KIRREL3: variants seen among roughly 807,000 people sequenced by gnomAD.
The protein encoded by KIRREL3 is kin of IRRE-like protein 3.
KIRREL3 carries 36 observed loss-of-function variants against 89.7 expected under a neutral mutation model. That is an observed-to-expected ratio of 0.40 (90% CI 0.31 to 0.53). The LOEUF is 0.53. Among genes scored for constraint, KIRREL3 ranks in the 20% least tolerant of loss-of-function variants. KIRREL3 has a pLI of 0.49. For synonymous variants in KIRREL3, 445 were observed against 441.4 expected (o/e 1.01, Z -0.10); for missense variants, 864 against 1,056.6 (o/e 0.82, Z 2.53).
At chr11:126,804,004 T>C (rs1051217649) in intron 1 of KIRREL3, among the ~76,000 whole-genome samples, 3 of 152,248 alleles carry the variant, frequency 2.0e-5, no homozygotes, top group Non-Finnish European at 1.5e-5. Flanking sequence ...TTTGTGGTTA[T>C]GCATGTGTCT....
chr11:126,500,274 T>C (rs985066148), intron 4 of KIRREL3, among the ~76,000 whole-genome samples: 3 of 152,198 alleles, frequency 2.0e-5, no homozygotes, highest in Non-Finnish European at 4.4e-5. Flanking sequence ...TTTAGTCTTA[T>C]TTAACTTGAA....
chr11:126,450,394 T>TGTGAGTGTGTGC (rs1956005753), intron 7 of KIRREL3, among the ~76,000 whole-genome samples: 1 of 147,516 alleles, frequency 6.8e-6, no homozygotes, highest in African/African-American at 2.5e-5. Context: ...TGAGTGTGGG[T>TGTGAGTGTGTGC]ATGTGTGAGT....
rs559228970 is a variant in KIRREL3 at position 126,796,705 on chromosome 11, T to C, written c.55+203750A>G. Among the ~76,000 whole-genome samples the C allele has an allele frequency of 1.3e-3, 192 of 152,288 alleles. 1 individual carries two copies. Among genetic ancestry groups the C allele is most frequent in the African/African-American group, 4.4e-3 (181 of 41,544 alleles). Reference sequence around the variant, plus strand: ...TTTATTTTATTTTTGCAACAAGGTCTTGCTCTGTTGCCCAGGCTGGAGTGC... The same window carrying C: ...TTTATTTTATTTTTGCAACAAGGTCCTGCTCTGTTGCCCAGGCTGGAGTGC... On this transcript the variant is annotated intron_variant, in intron 1 of 16. Transcript: ENST00000525144. The surrounding 1 kb of genome is among the most constrained non-coding windows in gnomAD (Gnocchi z 5.1).
chr11:126,851,922 GGA>G lies in KIRREL3; in HGVS notation c.55+148531_55+148532del, dbSNP rs1392195300. Among the ~76,000 whole-genome samples, 4 of 152,342 alleles carry G rather than the reference GGA, an allele frequency of 2.6e-5. No individual in the cohort carries two copies. In the East Asian group the frequency reaches 7.7e-4, roughly 29 times the overall value. On this transcript the variant is annotated intron_variant, in intron 1 of 16. Coordinates refer to ENST00000525144, the MANE Select transcript of KIRREL3 (RefSeq NM_032531.4). ...GCAGACCGTGGCTCCTCTACCTCGA[GGA>G]GAGTAGGGCGGGTGGAAGTCAGGCA...
At chr11:126,451,457 CAT>C (rs1287934373) in intron 7 of KIRREL3, among the ~76,000 whole-genome samples, 3 of 121,076 alleles carry the variant, frequency 2.5e-5, no homozygotes, top group Non-Finnish European at 3.4e-5. Flanking sequence ...AGTGCATGCG[CAT>C]GTGTGGGCAT....
In KIRREL3 at chr11:126,755,765, C is replaced by T. The variant is rs1949472657; in HGVS notation, c.56-192853G>A. Among the ~76,000 whole-genome samples the T allele has an allele frequency of 1.3e-5, 2 of 151,874 alleles. No individual in the cohort carries two copies. The highest frequency in any genetic ancestry group is 4.8e-5 in the African/African-American group (2 of 41,328). The stretch of plus-strand genomic sequence containing the variant: ...CAACTCTTTCCATGCCCCTTCTTTG[C>T]ACTTTTTCCACCCCCTCACCACTAC... On this transcript the variant is annotated intron_variant, in intron 1 of 16. Transcript: ENST00000525144. The surrounding 1 kb of genome is among the most constrained non-coding windows in gnomAD (Gnocchi z 4.3).
intron 1 of KIRREL3, among the ~76,000 whole-genome samples, chr11:126,819,459 A>G (rs1943133403): frequency 6.6e-6 from 1 of 152,208 alleles, no homozygotes; most frequent in African/African-American, 2.4e-5. Context: ...GGGCAGGGCC[A>G]TTGTGTGGGA....
chr11:126,483,487 C>T (rs1212887056), intron 4 of KIRREL3, among the ~76,000 whole-genome samples: 2 of 152,342 alleles, frequency 1.3e-5, no homozygotes, highest in South Asian at 2.1e-4. Flanking sequence ...CCAGTAGTCC[C>T]CTGCTGTTTG....
At chr11:126,839,627 A>C (rs1489291066) in intron 1 of KIRREL3, among the ~76,000 whole-genome samples, 1 of 152,192 alleles carries the variant, frequency 6.6e-6, no homozygotes, top group South Asian at 2.1e-4. Flanking sequence ...TAAAAAGACA[A>C]TGATGAGTCA....
rs1407562049 is a variant in KIRREL3, at chr11:126,501,372, C to T, written c.433+19943G>A. Among the ~76,000 whole-genome samples, 1 of 152,188 alleles carries T rather than the reference C, an allele frequency of 6.6e-6. No homozygotes were observed. The highest frequency in any genetic ancestry group is 2.4e-5 in the African/African-American group (1 of 41,448). ...AGACGGGGCTGCAGAGGGAGAGGAG[C>T]CAGCTTGGGGCCTGGGGTGCAGTCT... On this transcript the variant is annotated intron_variant, in intron 4 of 16. Transcript: ENST00000525144. This position sits in a 1 kb window ranked among gnomAD's most constrained non-coding sequence, Gnocchi z 5.8.
chr11:126,775,110 C>T (rs968415977), intron 1 of KIRREL3, among the ~76,000 whole-genome samples: 9 of 152,130 alleles, frequency 5.9e-5, no homozygotes, highest in Non-Finnish European at 1.0e-4. Context: ...CAACAAATAC[C>T]GAACTCCCCA....
intron 1 of KIRREL3, among the ~76,000 whole-genome samples, chr11:126,654,487 T>C (rs1945043675): frequency 6.6e-6 from 1 of 152,122 alleles, no homozygotes; most frequent in Non-Finnish European, 1.5e-5. Flanking sequence ...TGGGAAGACC[T>C]CTAAGAAAGG....
chr11:126,678,083 G>T (rs1489924353), intron 1 of KIRREL3, among the ~76,000 whole-genome samples: 1 of 152,156 alleles, frequency 6.6e-6, no homozygotes, highest in Non-Finnish European at 1.5e-5. Flanking sequence ...GTTATACGCG[G>T]TAATGAAGCA....
chr11:126,799,248 G>T (rs1950921294), intron 1 of KIRREL3, among the ~76,000 whole-genome samples: 1 of 144,490 alleles, frequency 6.9e-6, no homozygotes, highest in African/African-American at 2.6e-5. Flanking sequence ...GTGTGGATGT[G>T]TGTATCTGTG....
rs774341809 is a variant in KIRREL3, at chr11:126,763,705, C to G, written c.56-200793G>C. Among the ~76,000 whole-genome samples, 1 of 152,122 alleles carries G rather than the reference C, an allele frequency of 6.6e-6. No homozygotes were observed. The highest frequency in any genetic ancestry group is 1.5e-5 in the Non-Finnish European group (1 of 68,020). On this transcript the variant is annotated intron_variant, in intron 1 of 16. Transcript: ENST00000525144. The surrounding 1 kb of genome is among the most constrained non-coding windows in gnomAD (Gnocchi z 4.7). Reference sequence around the variant, plus strand: ...TTCAATGAGTTCCCACGCTTTTGAGCCTTTGTTTTCTCACTTGTGAAATGG... The same window carrying G: ...TTCAATGAGTTCCCACGCTTTTGAGGCTTTGTTTTCTCACTTGTGAAATGG...
intron 4 of KIRREL3, among the ~76,000 whole-genome samples, chr11:126,479,023 C>T (rs1450499904): frequency 2.0e-5 from 3 of 152,184 alleles, no homozygotes; most frequent in African/African-American, 7.2e-5. Context: ...GGCTGCTGTC[C>T]TCTGATTTGT....
intron 12 of KIRREL3, among the ~76,000 whole-genome samples, chr11:126,436,515 C>A (rs546848911): frequency 6.6e-6 from 1 of 152,380 alleles, no homozygotes; most frequent in South Asian, 2.1e-4. Context: ...GTCACTGCCA[C>A]CAGCCTGCTC....
chr11:126,902,695 T>G (rs1036949073), intron 1 of KIRREL3, among the ~76,000 whole-genome samples: 2 of 152,186 alleles, frequency 1.3e-5, no homozygotes, highest in African/African-American at 4.8e-5. Context: ...ACCTACAAAG[T>G]ATGTTAGGAA....
At chr11:126,885,812 G>A (rs139292818) in intron 1 of KIRREL3, among the ~76,000 whole-genome samples, 180 of 152,194 alleles carry the variant, frequency 1.2e-3, no homozygotes, top group African/African-American at 3.9e-3. Context: ...GGGTACTTTG[G>A]GCTTTGAAAG....
Sources: allele counts gnomAD v4.1 joint callset (sites outside exome capture counted in the v4.1 genomes callset), GRCh38; gene constraint gnomAD v4.1.1; non-coding constraint Gnocchi (gnomAD v3.1); transcripts MANE v1.5; gene names NCBI Gene and HGNC (gene_info 2026-07-23, HGNC 2026-07-21).